The following MYOCD variants were observed in gnomAD, a reference collection of about 807,000 sequenced individuals.
The protein encoded by MYOCD is myocardin.
Under a neutral mutation model 96.1 loss-of-function variants are expected in MYOCD, and 32 were observed. That is an observed-to-expected ratio of 0.33 (90% CI 0.25 to 0.45). The LOEUF (loss-of-function observed/expected upper bound fraction) is 0.45, where lower values mean the gene tolerates loss of function less well. Among genes scored for constraint, MYOCD ranks in the 20% least tolerant of loss-of-function variants. MYOCD has a pLI of 1.00. For synonymous variants in MYOCD, 469 were observed against 469.0 expected (o/e 1.00, Z 0.00); for missense variants, 1,133 against 1,200.6 (o/e 0.94, Z 0.83).
chr17:12,678,788 C>T (rs1046501079), intron 1 of MYOCD, among the ~76,000 whole-genome samples: 1 of 152,054 alleles, frequency 6.6e-6, no homozygotes, highest in Non-Finnish European at 1.5e-5. Context: ...CTCCACCTTC[C>T]GAGTTCATGG....
At chr17:12,689,305 C>T (rs2030321804) in intron 1 of MYOCD, among the ~76,000 whole-genome samples, 1 of 152,178 alleles carries the variant, frequency 6.6e-6, no homozygotes, top group Non-Finnish European at 1.5e-5. Flanking sequence ...AATCTTGTAA[C>T]TTCTTGGAAA....
At chr17:12,726,425 T>C (rs1324479539) in intron 5 of MYOCD, among the ~76,000 whole-genome samples, 1 of 152,144 alleles carries the variant, frequency 6.6e-6, no homozygotes, top group African/African-American at 2.4e-5. Flanking sequence ...GCTTTGTCAT[T>C]CTCTGAATGT....
intron 13 of MYOCD, chr17:12,761,065 A>G: frequency 5.3e-6 from 1 of 187,642 alleles, no homozygotes; most frequent in East Asian, 1.2e-4. Context: ...AAAGCAGATA[A>G]TGAACATTTT....
At chr17:12,762,711 G>GT (rs971237478) in intron 13 of MYOCD, 64 of 193,888 alleles carry the variant, frequency 3.3e-4, no homozygotes, top group African/African-American at 1.2e-3. Flanking sequence ...GAAGCGGGGG[G>GT]AGTAGCAATC....
At chr17:12,758,444 G>C (rs975447650) in intron 12 of MYOCD, 1 of 625,290 alleles carries the variant, frequency 1.6e-6, no homozygotes, top group African/African-American at 1.8e-5. Context: ...TACCAGTTCT[G>C]CCATCTGCCA....
chr17:12,692,665 A>G (rs960887719), intron 1 of MYOCD, among the ~76,000 whole-genome samples: 4 of 152,090 alleles, frequency 2.6e-5, no homozygotes, highest in Non-Finnish European at 5.9e-5. Context: ...TAATAAGCAA[A>G]ATGTCACAAT....
intron 3 of MYOCD, 114 bp from the exon 4 acceptor site, chr17:12,717,232 C>T: frequency 8.0e-6 from 6 of 754,246 alleles, no homozygotes; most frequent in Non-Finnish European, 1.3e-5. Context: ...ATGTGGGACA[C>T]CAAGAATATT....
chr17:12,734,101 A>G (rs1485555987), intron 5 of MYOCD, among the ~76,000 whole-genome samples: 1 of 105,366 alleles, frequency 9.5e-6, no homozygotes, highest in Non-Finnish European at 2.1e-5. Context: ...ATTTCCACCC[A>G]TGTTAGAATA....
At chr17:12,681,006 G>C (rs1051708058) in intron 1 of MYOCD, among the ~76,000 whole-genome samples, 1 of 152,180 alleles carries the variant, frequency 6.6e-6, no homozygotes, top group African/African-American at 2.4e-5. Flanking sequence ...AGGAGGTACT[G>C]TTGTTACAGT....
chr17:12,758,404 G>A, intron 12 of MYOCD, 191 bp downstream of exon 12: 1 of 846,666 alleles, frequency 1.2e-6, no homozygotes, highest in Admixed American at 2.7e-5. Flanking sequence ...GTGAGGCAGG[G>A]AGAGAAGAGG....
intron 6 of MYOCD, among the ~76,000 whole-genome samples, chr17:12,737,546 C>T (rs1368514406): frequency 6.6e-6 from 1 of 152,152 alleles, no homozygotes; most frequent in African/African-American, 2.4e-5. Flanking sequence ...CGGGCATCCA[C>T]ATATGAGGGG....
At chr17:12,719,205 G>T (rs74707019) in intron 4 of MYOCD, among the ~76,000 whole-genome samples, 2 of 72,634 alleles carry the variant, frequency 2.8e-5, no homozygotes, top group Admixed American at 1.5e-4. Context: ...AAAAAAAAAA[G>T]ACATACAGAC....
At chr17:12,745,392 A>AGAG (rs1330219414) in intron 8 of MYOCD, among the ~76,000 whole-genome samples, 34 of 151,942 alleles carry the variant, frequency 2.2e-4, no homozygotes, top group Admixed American at 2.2e-3. Flanking sequence ...TATTTTTAGT[A>AGAG]GAGACAGGGT....
At chr17:12,680,825 G>A (rs998951257) in intron 1 of MYOCD, among the ~76,000 whole-genome samples, 16 of 152,202 alleles carry the variant, frequency 1.1e-4, no homozygotes, top group Non-Finnish European at 2.4e-4. Context: ...GAACAGCCGT[G>A]CTAGTTGAAC....
chr17:12,667,387 TC>T (rs1367508482), intron 1 of MYOCD, among the ~76,000 whole-genome samples: 1 of 152,178 alleles, frequency 6.6e-6, no homozygotes, highest in East Asian at 1.9e-4. Context: ...CGGTCACAAG[TC>T]TCACTGCCCC....
At chr17:12,742,341 CAAGT>C (rs2032536544) in intron 7 of MYOCD, among the ~76,000 whole-genome samples, 1 of 152,096 alleles carries the variant, frequency 6.6e-6, no homozygotes, top group Admixed American at 6.6e-5. Context: ...GCGCTGAGTC[CAAGT>C]GAGTTGTAAG....
At chr17:12,717,141 G>A (rs888156779) in intron 3 of MYOCD, among the ~76,000 whole-genome samples, 10 of 152,100 alleles carry the variant, frequency 6.6e-5, no homozygotes, top group Non-Finnish European at 1.5e-5. Flanking sequence ...CCCTGATGTG[G>A]ACCCAAGCTC....
intron 8 of MYOCD, among the ~76,000 whole-genome samples, chr17:12,745,312 C>A (rs949894143): frequency 8.5e-5 from 13 of 152,078 alleles, no homozygotes; most frequent in African/African-American, 3.1e-4. Flanking sequence ...CAGGTTCAAG[C>A]GATTCTCCTG....
intron 12 of MYOCD, among the ~76,000 whole-genome samples, chr17:12,759,048 C>CA (rs1370935512): frequency 0.012 from 1,731 of 142,902 alleles, 21 homozygotes; most frequent in African/African-American, 0.03. Context: ...AACTCCATCT[C>CA]AAAAAAAAAA....
Sources: gnomAD v4.1 joint callset for allele counts (sites outside exome capture counted in the v4.1 genomes callset) on GRCh38, gnomAD v4.1.1 for gene constraint, MANE v1.5 for transcripts, NCBI Gene and HGNC (gene_info 2026-07-23, HGNC 2026-07-21) for gene names.